The following AP5Z1 variants were observed in gnomAD, a reference collection of about 807,000 sequenced individuals.
The protein encoded by AP5Z1 is adaptor related protein complex 5 subunit zeta 1, also known as AP-5 complex subunit zeta-1.
Under a neutral mutation model 83.0 loss-of-function variants are expected in AP5Z1, and 106 were observed. The observed-to-expected ratio is 1.28, with a 90% CI of 1.09 to 1.50. The LOEUF is 1.50. AP5Z1 is among the 40% of genes most tolerant of loss of function. The pLI is 0.00. For missense variants in AP5Z1, 1,565 were observed against 1,094.2 expected (o/e 1.43, Z -6.07); for synonymous variants, 751 against 514.1 (o/e 1.46, Z -6.23).
In AP5Z1 at chr7:4,783,345, G is replaced by T; in HGVS notation, c.396G>T (p.Val132=). The change falls in exon 4 of 17, where the codon GTG becomes GTT. Residue 132 remains valine (V), a synonymous_variant. Transcript: ENST00000649063. ...ACAGAAACGAGGAGGTCAGAGCCGT[G>T]GGCCAGGGCGTGCTACGAGCGCTGG... ...QGDRNEEVRA[V]GQGVLRALES... 1 of 1,612,780 alleles carries T rather than the reference G, an allele frequency of 6.2e-7. No individual in the cohort carries two copies. Among genetic ancestry groups the T allele is most frequent in the Admixed American group, 1.7e-5 (1 of 59,898 alleles).
rs368080826 is a variant in AP5Z1, at chr7:4,790,449, T to C, written c.1806-10T>C. On this transcript the variant is annotated splice_polypyrimidine_tract_variant and intron_variant, in intron 14 of 16. Transcript: ENST00000649063. ...GCACAGAGCAGGCGTAGACCCGGCT[T>C]TCTGGGCAGTGTGCTGAGTTCTCAG... 1.2e-6 allele frequency: 2 copies of C among 1,613,044 alleles called. No homozygotes were observed. Among genetic ancestry groups the C allele is most frequent in the Non-Finnish European group, 1.7e-6 (2 of 1,179,858 alleles).
At chr7:4,777,469 C>T (rs1046554280) in intron 1 of AP5Z1, among the ~76,000 whole-genome samples, 1 of 152,060 alleles carries the variant, frequency 6.6e-6, no homozygotes, top group African/African-American at 2.4e-5. Flanking sequence ...TTCACTGCAA[C>T]CTCCGCCTCC....
chr7:4,787,923 C>T (rs990819119), intron 11 of AP5Z1, 147 bp downstream of exon 11: 124 of 1,205,264 alleles, frequency 1.0e-4, no homozygotes, highest in Middle Eastern at 2.9e-4. Context: ...TGCAAAGCCA[C>T]CTCTAGGACA....
chr7:4,787,831 A>G (rs967162879), intron 11 of AP5Z1, 55 bp downstream of exon 11: 4 of 1,485,280 alleles, frequency 2.7e-6, no homozygotes, highest in Middle Eastern at 4.7e-4. Context: ...GGTTCCACAC[A>G]CTGGGCCCCC....
At chr7:4,783,892 C>T (rs1192495984) in intron 5 of AP5Z1, 94 bp downstream of exon 5, 61 of 1,314,660 alleles carry the variant, frequency 4.6e-5, no homozygotes, top group Non-Finnish European at 5.6e-5. Context: ...GGCCTGCTGT[C>T]GTTCCGCGGG....
chr7:4,782,386 A>C (rs1003695494), intron 3 of AP5Z1, among the ~76,000 whole-genome samples: 6 of 152,060 alleles, frequency 3.9e-5, no homozygotes, highest in African/African-American at 1.2e-4. Flanking sequence ...GTGGGGATCC[A>C]GGGGTTCACA....
chr7:4,782,349 T>C (rs768711964), intron 3 of AP5Z1, among the ~76,000 whole-genome samples: 1 of 152,112 alleles, frequency 6.6e-6, no homozygotes, highest in Non-Finnish European at 1.5e-5. Context: ...CCTCCCTCTG[T>C]GTCGGGAGCA....
chr7:4,783,464 C>G lies in AP5Z1; in HGVS notation c.511+4C>G, dbSNP rs199884374. On this transcript the variant is annotated splice_donor_region_variant and intron_variant, in intron 4 of 16. Transcript: ENST00000649063. ...AGCCCGGGCACCCTCCAGGAGGGTA[C>G]GCGGGGCCCCTCCCAAGAGGCTGTT... is the stretch of plus-strand genomic sequence containing the variant. 1 of 1,609,860 alleles carries G rather than the reference C, an allele frequency of 6.2e-7. No individual in the cohort carries two copies. The highest frequency in any genetic ancestry group is 2.2e-5 in the East Asian group (1 of 44,756).
chr7:4,790,398 C>G (rs1781722738), intron 14 of AP5Z1, 61 bp from the exon 15 acceptor site: 1 of 1,610,532 alleles, frequency 6.2e-7, no homozygotes, highest in Non-Finnish European at 8.5e-7. Context: ...GGCCCTTGGC[C>G]TGGATGGGGA....
Position 4,788,177 on chromosome 7 carries a change from G to A in AP5Z1, c.1478G>A (p.Arg493Lys). 1.3e-6 allele frequency: 2 copies of A among 1,556,760 alleles called. No individual in the cohort carries two copies. The highest frequency in any genetic ancestry group is 1.7e-6 in the Non-Finnish European group (2 of 1,151,286). ...QLRSAPAASE[R>K]PLWDTSLRAP... ...AGGTCAGCACCGGCTGCATCCGAGA[G>A]GCCACTCTGGGACACCTCTCTCAGG... The change falls in exon 12 of 17, where the codon AGG becomes AAG. Residue 493 changes from arginine (R) to lysine (K), a missense_variant. Physicochemically the swap from Arg to Lys is conservative, Grantham distance 26 (BLOSUM62 2). Transcript: ENST00000649063.
intron 14 of AP5Z1, chr7:4,790,139 G>A (rs1583241169): frequency 2.1e-6 from 3 of 1,462,898 alleles, no homozygotes; most frequent in South Asian, 2.6e-5. Context: ...CCTTCTTTCT[G>A]CCGAGCCTGT....
chr7:4,791,266 A>G lies in AP5Z1; in HGVS notation c.2305A>G (p.Thr769Ala), dbSNP rs188569082. The G allele has an allele frequency of 4.6e-4, 744 of 1,612,712 alleles. 4 individuals carry two copies. In the African/African-American group the frequency reaches 8.3e-3, roughly 18 times the overall value. Residue 769 changes from threonine (T) to alanine (A), a missense_variant, in exon 17 of 17, where the codon ACA becomes GCA. Transcript: ENST00000649063. ...KMPSVAQFVL[T>A]PSTEVCSPRY... ...GCCTAGCGTGGCCCAGTTTGTGCTC[A>G]CACCCAGCACGGAGGTGTGCAGCCC...
chr7:4,789,029 C>T, intron 13 of AP5Z1, 78 bp downstream of exon 13: 1 of 1,271,384 alleles, frequency 7.9e-7, no homozygotes, highest in Non-Finnish European at 1.1e-6. Context: ...ACTGGGGGGC[C>T]CTCTTGAGCT....
At chr7:4,785,770 T>TG in intron 9 of AP5Z1, 86 bp downstream of exon 9, 5 of 1,404,350 alleles carry the variant, frequency 3.6e-6, no homozygotes, top group Non-Finnish European at 4.6e-6. Flanking sequence ...CTTTTTTTTT[T>TG]TTTTTTTTTT....
In AP5Z1 at chr7:4,789,909, G is replaced by T. The variant is rs774921196; in HGVS notation, c.1785G>T (p.Gly595=). 3.9e-4 allele frequency: 611 copies of T among 1,548,436 alleles called. 2 individuals carry two copies. The highest frequency in any genetic ancestry group is 5.0e-4 in the Non-Finnish European group (574 of 1,146,202). The change falls in exon 14 of 17, where the codon GGG becomes GGT. Residue 595 remains glycine (G), a synonymous_variant. Transcript: ENST00000649063. ...GCGACTCGCTCTACCCGGCCCCAGG[G>T]TACGCTGCCGGTGTGCACAGGTAGG... ...GRSDSLYPAP[G]YAAGVHSVLS...
chr7:4,784,807 C>T, intron 6 of AP5Z1, 101 bp from the exon 7 acceptor site: 1 of 1,440,124 alleles, frequency 6.9e-7, no homozygotes, highest in South Asian at 1.4e-5. Flanking sequence ...CCGGGAGGGG[C>T]TGCGGCCTGT....
intron 6 of AP5Z1, 92 bp from the exon 7 acceptor site, chr7:4,784,816 G>A (rs1781488062): frequency 6.8e-7 from 1 of 1,480,326 alleles, no homozygotes; most frequent in African/African-American, 1.4e-5. Flanking sequence ...GCTGCGGCCT[G>A]TGCTCTCCTC....
At chr7:4,790,315 G>A (rs1346271345) in intron 14 of AP5Z1, 144 bp from the exon 15 acceptor site, 1 of 1,549,640 alleles carries the variant, frequency 6.5e-7, no homozygotes, top group African/African-American at 1.4e-5. Context: ...CTCTGAGGCT[G>A]GCAGTCTTCT....
At chr7:4,781,975 G>A (rs185508707) in intron 3 of AP5Z1, among the ~76,000 whole-genome samples, 5 of 152,348 alleles carry the variant, frequency 3.3e-5, no homozygotes, top group Admixed American at 3.3e-4. Flanking sequence ...CAGGAGAGGT[G>A]GTGGAGTTTG....
Sources: allele counts gnomAD v4.1 joint callset (sites outside exome capture counted in the v4.1 genomes callset), GRCh38; gene constraint gnomAD v4.1.1; transcripts MANE v1.5; gene names NCBI Gene and HGNC (gene_info 2026-07-23, HGNC 2026-07-21).